Variants in FOCAD observed in about 807,000 individuals in gnomAD.
FOCAD encodes the protein KIAA1797.
FOCAD carries 198 observed loss-of-function variants against 225.6 expected under a neutral mutation model. The observed-to-expected ratio is 0.88, with a 90% CI of 0.78 to 0.99. The LOEUF (loss-of-function observed/expected upper bound fraction) is 0.99. Among genes scored for constraint, FOCAD ranks in the 50% least tolerant of loss-of-function variants. FOCAD has a pLI of 0.00. For synonymous variants in FOCAD, 897 were observed against 755.0 expected (o/e 1.19, Z -3.08); for missense variants, 2,713 against 2,123.6 (o/e 1.28, Z -5.46).
At chr9:20,916,611 C>T (rs934746606) in intron 23 of FOCAD, among the ~76,000 whole-genome samples, 21 of 152,186 alleles carry the variant, frequency 1.4e-4, no homozygotes, top group African/African-American at 3.6e-4. Context: ...ATACTCACCA[C>T]GCTGTCTGAG....
chr9:20,720,316 A>C, intron 3 of FOCAD, 64 bp from the exon 4 acceptor site: 1 of 1,464,110 alleles, frequency 6.8e-7, no homozygotes, highest in Non-Finnish European at 9.5e-7. Context: ...TGAATGACCA[A>C]AGGTGTGTGT....
At chr9:20,931,724 A>G (rs572936528) in intron 27 of FOCAD, among the ~76,000 whole-genome samples, 2 of 152,218 alleles carry the variant, frequency 1.3e-5, no homozygotes, top group East Asian at 3.9e-4. Flanking sequence ...AGGCGGGCAG[A>G]TCATGTAAGC....
intron 24 of FOCAD, among the ~76,000 whole-genome samples, chr9:20,917,545 C>T (rs756861435): frequency 8.5e-5 from 13 of 152,124 alleles, no homozygotes; most frequent in Non-Finnish European, 1.6e-4. Flanking sequence ...CCTTTGTCAA[C>T]TGACAAGCTG....
At chr9:20,995,314 C>T (rs1841973712) in intron 43 of FOCAD, among the ~76,000 whole-genome samples, 1 of 149,096 alleles carries the variant, frequency 6.7e-6, no homozygotes, top group Admixed American at 6.7e-5. Context: ...AGTCAGCTTT[C>T]ATTTTAATTC....
At chr9:20,854,685 G>A (rs1416412996) in intron 15 of FOCAD, among the ~76,000 whole-genome samples, 1 of 151,722 alleles carries the variant, frequency 6.6e-6, no homozygotes, top group Non-Finnish European at 1.5e-5. Flanking sequence ...AACAAAGTAT[G>A]CATAACATAA....
chr9:20,834,581 A>G (rs1168300027), intron 15 of FOCAD, among the ~76,000 whole-genome samples: 1 of 152,126 alleles, frequency 6.6e-6, no homozygotes, highest in Non-Finnish European at 1.5e-5. Context: ...TTGCAACAAC[A>G]CAGATATATC....
chr9:20,679,286 A>G (rs945923760), upstream of FOCAD, among the ~76,000 whole-genome samples: 4 of 152,214 alleles, frequency 2.6e-5, no homozygotes, highest in Admixed American at 2.0e-4. Flanking sequence ...AGACTCGTAT[A>G]TCTAATTAAA....
At chr9:20,894,672 G>T (rs1343510549) in intron 21 of FOCAD, among the ~76,000 whole-genome samples, 4 of 151,950 alleles carry the variant, frequency 2.6e-5, no homozygotes, top group African/African-American at 9.7e-5. Context: ...TTAAAATCTG[G>T]TTGTTAGGTT....
intron 1 of FOCAD, among the ~76,000 whole-genome samples, chr9:20,697,114 A>C (rs1160114140): frequency 6.6e-6 from 1 of 152,212 alleles, no homozygotes; most frequent in Non-Finnish European, 1.5e-5. Flanking sequence ...AAACAGACTA[A>C]GACATCAATT....
chr9:20,837,549 T>C (rs929074385), intron 15 of FOCAD, among the ~76,000 whole-genome samples: 2 of 151,934 alleles, frequency 1.3e-5, no homozygotes, highest in Admixed American at 6.6e-5. Context: ...GTAGGGTTTT[T>C]TTTTGGGAGG....
intron 5 of FOCAD, among the ~76,000 whole-genome samples, chr9:20,753,587 T>G (rs1213995071): frequency 2.0e-5 from 3 of 152,026 alleles, no homozygotes; most frequent in Admixed American, 2.0e-4. Context: ...GATTTTTGCA[T>G]CAATGTTCAT....
chr9:20,818,080 A>G (rs923131260), intron 11 of FOCAD, among the ~76,000 whole-genome samples: 2 of 152,156 alleles, frequency 1.3e-5, no homozygotes, highest in Non-Finnish European at 2.9e-5. Flanking sequence ...TAGCTTTTGC[A>G]TCATGTGTAA....
At chr9:20,715,235 C>T (rs888425461) in intron 1 of FOCAD, 87 bp from the exon 2 acceptor site, 3 of 513,638 alleles carry the variant, frequency 5.8e-6, no homozygotes, top group South Asian at 5.6e-5. Context: ...GAATGGATTA[C>T]ATTCACATTA....
intron 8 of FOCAD, among the ~76,000 whole-genome samples, chr9:20,771,434 C>A (rs1818216115): frequency 6.6e-6 from 1 of 152,114 alleles, no homozygotes; most frequent in Non-Finnish European, 1.5e-5. Flanking sequence ...CTTAGGCAGG[C>A]TACCACAGAC....
At chr9:20,722,608 AAACTT>A (rs1394330281) in intron 4 of FOCAD, among the ~76,000 whole-genome samples, 1 of 152,246 alleles carries the variant, frequency 6.6e-6, no homozygotes, top group African/African-American at 2.4e-5. Flanking sequence ...TCATGACTGA[AAACTT>A]ACTACTTTCT....
chr9:20,686,764 G>A (rs1822695933), intron 1 of FOCAD, among the ~76,000 whole-genome samples: 1 of 152,132 alleles, frequency 6.6e-6, no homozygotes, highest in Non-Finnish European at 1.5e-5. Flanking sequence ...ACTTATATGA[G>A]TATAAGTCTG....
intron 4 of FOCAD, among the ~76,000 whole-genome samples, chr9:20,737,045 T>C (rs1827208244): frequency 6.6e-6 from 1 of 152,302 alleles, no homozygotes; most frequent in Admixed American, 6.5e-5. Flanking sequence ...TGTAACTTGA[T>C]TGATGCCATC....
At chr9:20,821,949 A>C (rs2131425475) in intron 14 of FOCAD, among the ~76,000 whole-genome samples, 1 of 50,936 alleles carries the variant, frequency 2.0e-5, no homozygotes, top group East Asian at 3.9e-4. Flanking sequence ...CTCTTTTCTA[A>C]GCTTCCATCT....
rs544133636 is a variant in FOCAD, at chr9:20,944,718, C to T, written c.3499C>T (p.Arg1167Trp). ...QSRVHVAALL[R>W]KLSAHVDDSG... ...CCGCGTTCACGTAGCAGCATTGCTC[C>T]GGAAGCTGTCTGCGCACGTAGATGA... Residue 1167 changes from arginine to tryptophan, a missense_variant, in exon 29 of 44, where the codon CGG becomes TGG. Arg to Trp is a moderately radical substitution (Grantham distance 101, BLOSUM62 -3). Coordinates refer to ENST00000338382, the MANE Select transcript of FOCAD (RefSeq NM_001375567.1). 9.3e-6 allele frequency: 15 copies of T among 1,614,006 alleles called. No homozygotes were observed. The highest frequency in any genetic ancestry group is 4.5e-5 in the East Asian group (2 of 44,878).
Sources: allele counts gnomAD v4.1 joint callset (sites outside exome capture counted in the v4.1 genomes callset), GRCh38; gene constraint gnomAD v4.1.1; transcripts MANE v1.5; gene names NCBI Gene and HGNC (gene_info 2026-07-23, HGNC 2026-07-21).